MAN1A1: variants seen among roughly 807,000 people sequenced by gnomAD.
The protein encoded by MAN1A1 is mannosyl-oligosaccharide 1,2-alpha-mannosidase IA.
In MAN1A1, 29 loss-of-function variants were observed where a neutral mutation model predicts 70.8. That is an observed-to-expected ratio of 0.41 (90% confidence interval 0.31 to 0.56). The LOEUF is 0.56. Ranked by LOEUF, MAN1A1 falls within the 20% of genes least tolerant of loss-of-function variation. MAN1A1 has a pLI of 0.29. For missense variants in MAN1A1, 747 were observed against 841.3 expected, an observed-to-expected ratio of 0.89 and a Z score of 1.39; for synonymous variants, 349 against 330.1, an observed-to-expected ratio of 1.06 and a Z score of -0.62.
At chr6:119,310,960 T>C (rs189593117) in intron 2 of MAN1A1, among the ~76,000 whole-genome samples, 1 of 152,288 alleles carries the variant, frequency 6.6e-6, no homozygotes, top group Admixed American at 6.5e-5. Context: ...TCTCATTTAC[T>C]GAGGAGTAAG....
chr6:119,324,850 T>C (rs1430523949), intron 2 of MAN1A1, among the ~76,000 whole-genome samples: 1 of 152,142 alleles, frequency 6.6e-6, no homozygotes, highest in Non-Finnish European at 1.5e-5. Context: ...AAATTCGGGC[T>C]GGATAAGCCT....
At chr6:119,311,262 G>C (rs1772692201) in intron 2 of MAN1A1, among the ~76,000 whole-genome samples, 1 of 152,156 alleles carries the variant, frequency 6.6e-6, no homozygotes, top group Admixed American at 6.5e-5. Flanking sequence ...ATCTAAAAGA[G>C]CTTCATAATT....
chr6:119,236,088 T>C (rs887369893), intron 6 of MAN1A1, among the ~76,000 whole-genome samples: 4 of 150,362 alleles, frequency 2.7e-5, no homozygotes, highest in African/African-American at 2.5e-5. Context: ...TAAGCTGAGG[T>C]TGTACCACTG....
rs756081898 is a variant in MAN1A1 at position 119,348,706 on chromosome 6, G to A, written c.360C>T (p.Asn120=). 6 of 1,606,356 alleles carry A rather than the reference G, an allele frequency of 3.7e-6. No individual in the cohort carries two copies. The highest frequency in any genetic ancestry group is 1.1e-5 in the South Asian group (1 of 90,022). The change falls in exon 2 of 13, where the codon AAC becomes AAT. Residue 120 remains asparagine, a synonymous_variant. Coordinates refer to ENST00000368468, the MANE Select transcript of MAN1A1 (RefSeq NM_005907.4). ...CGTGGTTTTCGCGGATCCTGGCCAA[G>A]TTGTCCTCCAGGGCGGCCTCCGGGT... ...PGDPEAALED[N]LARIRENHER...
At chr6:119,251,073 C>A (rs1488366081) in intron 5 of MAN1A1, among the ~76,000 whole-genome samples, 3 of 152,134 alleles carry the variant, frequency 2.0e-5, no homozygotes, top group Non-Finnish European at 4.4e-5. Context: ...CTGATAGGAG[C>A]ATAGGCCATG....
intron 6 of MAN1A1, among the ~76,000 whole-genome samples, chr6:119,208,230 C>T (rs545744242): frequency 1.3e-5 from 2 of 152,196 alleles, no homozygotes; most frequent in Admixed American, 6.5e-5. Context: ...GAACTTCCAA[C>T]TTCTACATCA....
At chr6:119,284,836 A>C (rs1776320146) in intron 5 of MAN1A1, among the ~76,000 whole-genome samples, 2 of 152,192 alleles carry the variant, frequency 1.3e-5, no homozygotes, top group African/African-American at 4.8e-5. Flanking sequence ...TATGATGTAC[A>C]TATTTTCCTA....
At chr6:119,210,668 A>C (rs1774023881) in intron 6 of MAN1A1, among the ~76,000 whole-genome samples, 1 of 49,628 alleles carries the variant, frequency 2.0e-5, no homozygotes, top group South Asian at 8.4e-4. Flanking sequence ...AGTGGTGTCT[A>C]GTTTCTTTTT....
chr6:119,211,461 T>C (rs1033444545), intron 6 of MAN1A1, among the ~76,000 whole-genome samples: 2 of 152,230 alleles, frequency 1.3e-5, no homozygotes, highest in Admixed American at 1.3e-4. Context: ...AAAACAGCAG[T>C]GCTCAATACA....
chr6:119,231,624 A>T (rs1774679509), intron 6 of MAN1A1, among the ~76,000 whole-genome samples: 1 of 152,162 alleles, frequency 6.6e-6, no homozygotes, highest in Admixed American at 6.5e-5. Flanking sequence ...GGAAGAGCAA[A>T]GGTCTCCTCA....
At chr6:119,244,735 A>T (rs12192420) in intron 6 of MAN1A1, among the ~76,000 whole-genome samples, 48,958 of 152,008 alleles carry the variant, frequency 0.32, 8,350 homozygotes, top group Non-Finnish European at 0.35. Flanking sequence ...CCTGGTGAGT[A>T]CTTATTATCT....
rs528269296 is a variant in MAN1A1 at position 119,251,408 on chromosome 6, C to T, written c.898-3054G>A. 2.0e-5 allele frequency among the ~76,000 whole-genome samples: 3 copies of T among 152,316 alleles called. No individual in the cohort carries two copies. In the East Asian group the frequency reaches 5.8e-4, roughly 29 times the overall value. On this transcript the variant is annotated intron_variant, in intron 5 of 12. Coordinates refer to ENST00000368468, the MANE Select transcript of MAN1A1 (RefSeq NM_005907.4). ...TCTTAAGTTCTCATTCATGTTCAGT[C>T]CATCTTAGCAACTTTATTTACACAT...
At chr6:119,213,134 C>T (rs1388370189) in intron 6 of MAN1A1, among the ~76,000 whole-genome samples, 1 of 152,142 alleles carries the variant, frequency 6.6e-6, no homozygotes, top group African/African-American at 2.4e-5. Context: ...CCAAAAGAAA[C>T]CAGACAGTTA....
At chr6:119,318,822 T>A (rs1415206651) in intron 2 of MAN1A1, among the ~76,000 whole-genome samples, 6 of 152,226 alleles carry the variant, frequency 3.9e-5, no homozygotes, top group Admixed American at 2.0e-4. Context: ...TCTGTTCACC[T>A]CTACTTGGGC....
intron 9 of MAN1A1, among the ~76,000 whole-genome samples, chr6:119,190,857 C>G (rs975003899): frequency 6.6e-6 from 1 of 152,140 alleles, no homozygotes; most frequent in African/African-American, 2.4e-5. Flanking sequence ...TTGCTAATCT[C>G]CAATTACTCT....
At chr6:119,277,286 G>A (rs1378804707) in intron 5 of MAN1A1, among the ~76,000 whole-genome samples, 2 of 151,834 alleles carry the variant, frequency 1.3e-5, no homozygotes, top group African/African-American at 4.8e-5. Context: ...TATTAAAATG[G>A]TTAACCCTAT....
At chr6:119,184,182 ACTAAGT>A (rs1322170068) in intron 11 of MAN1A1, among the ~76,000 whole-genome samples, 2 of 152,076 alleles carry the variant, frequency 1.3e-5, no homozygotes, top group Non-Finnish European at 2.9e-5. Context: ...TGTTTGTATG[ACTAAGT>A]CTAACCAGAT....
intron 5 of MAN1A1, among the ~76,000 whole-genome samples, chr6:119,273,248 T>C (rs1775973057): frequency 6.6e-6 from 1 of 152,094 alleles, no homozygotes; most frequent in South Asian, 2.1e-4. Flanking sequence ...TTCAGATGAG[T>C]ACAGAAAAAC....
intron 6 of MAN1A1, among the ~76,000 whole-genome samples, chr6:119,212,715 G>A (rs1371658374): frequency 6.6e-6 from 1 of 152,032 alleles, no homozygotes; most frequent in Non-Finnish European, 1.5e-5. Flanking sequence ...AGATCAAGAG[G>A]GTCTAATTAA....
Sources: allele counts gnomAD v4.1 joint callset (sites outside exome capture counted in the v4.1 genomes callset), GRCh38; gene constraint gnomAD v4.1.1; transcripts MANE v1.5; gene names NCBI Gene and HGNC (gene_info 2026-07-23, HGNC 2026-07-21).